The following SLC38A1 variants were observed in gnomAD, a reference collection of about 807,000 sequenced individuals.
SLC38A1 encodes the protein solute carrier family 38 member 1, also known as sodium-coupled neutral amino acid symporter 1.
In SLC38A1, 18 loss-of-function variants were observed where a neutral mutation model predicts 60.3. The observed-to-expected ratio is 0.30, with a 90% CI of 0.21 to 0.44. The LOEUF (loss-of-function observed/expected upper bound fraction) is 0.44. Ranked by LOEUF, SLC38A1 falls within the 20% of genes least tolerant of loss-of-function variation. The pLI is 1.00. For missense variants in SLC38A1, 448 were observed against 587.2 expected (o/e 0.76, Z 2.45); for synonymous variants, 196 against 212.1 (o/e 0.92, Z 0.66).
chr12:46,187,829 A>G lies in SLC38A1; in HGVS notation c.*1141T>C, dbSNP rs915293652. The stretch of plus-strand genomic sequence containing the variant: ...AAGACTAGATGGAGAATTAATGAAG[A>G]AGAAATAGAAATGAGGCTTATTTAA... On this transcript the variant is annotated 3_prime_UTR_variant, in exon 17 of 17. Coordinates refer to ENST00000398637, the MANE Select transcript of SLC38A1 (RefSeq NM_030674.4). 2.6e-5 allele frequency: 4 copies of G among 150,994 alleles called. No homozygotes were observed. Among genetic ancestry groups the G allele is most frequent in the Non-Finnish European group, 5.9e-5 (4 of 67,880 alleles). 9.4% of individuals were successfully genotyped at this position (150,994 alleles called of 1,614,324 possible).
chr12:46,221,228 C>T (rs1186993927), intron 5 of SLC38A1, among the ~76,000 whole-genome samples: 4 of 152,076 alleles, frequency 2.6e-5, no homozygotes, highest in Non-Finnish European at 5.9e-5. Flanking sequence ...GAGAGAGGGC[C>T]AGAGAATTCA....
intron 5 of SLC38A1, among the ~76,000 whole-genome samples, chr12:46,216,785 G>A (rs763833007): frequency 2.0e-5 from 3 of 152,184 alleles, no homozygotes; most frequent in Admixed American, 6.5e-5. Context: ...GCTTGAACCC[G>A]GGAGGCGGAG....
chr12:46,260,884 T>C (rs956085034), intron 1 of SLC38A1, among the ~76,000 whole-genome samples: 5 of 152,174 alleles, frequency 3.3e-5, no homozygotes, highest in African/African-American at 1.2e-4. Flanking sequence ...CTCCCACCTA[T>C]AGAGGCAGAT....
intron 16 of SLC38A1, among the ~76,000 whole-genome samples, chr12:46,192,109 C>G (rs1379755231): frequency 6.6e-6 from 1 of 152,182 alleles, no homozygotes; most frequent in African/African-American, 2.4e-5. Context: ...TATGTTCCAT[C>G]AATACCTAGT....
chr12:46,200,418 C>T (rs1690603731), intron 13 of SLC38A1, among the ~76,000 whole-genome samples: 1 of 151,430 alleles, frequency 6.6e-6, no homozygotes, highest in East Asian at 1.9e-4. Flanking sequence ...TATATAGACA[C>T]ACATATATAT....
At chr12:46,241,215 T>G (rs1204558800) in intron 2 of SLC38A1, among the ~76,000 whole-genome samples, 1 of 152,242 alleles carries the variant, frequency 6.6e-6, no homozygotes, top group African/African-American at 2.4e-5. Flanking sequence ...TGTCTGATCC[T>G]AAATTCCATA....
chr12:46,251,374 C>T (rs1157805335), intron 1 of SLC38A1, among the ~76,000 whole-genome samples: 2 of 152,176 alleles, frequency 1.3e-5, no homozygotes, highest in Admixed American at 6.5e-5. Context: ...AAGTGTTAGA[C>T]CTGAAACCAT....
At chr12:46,204,474 T>G in intron 10 of SLC38A1, 57 bp from the exon 11 acceptor site, 5 of 1,593,348 alleles carry the variant, frequency 3.1e-6, no homozygotes, top group East Asian at 2.2e-5. Context: ...CAATGAATAA[T>G]TATTACATGC....
At chr12:46,208,486 A>G (rs887901869) in intron 6 of SLC38A1, among the ~76,000 whole-genome samples, 1 of 152,242 alleles carries the variant, frequency 6.6e-6, no homozygotes, top group African/African-American at 2.4e-5. Context: ...TGTATATACA[A>G]TAATAGTTGA....
Position 46,188,791 on chromosome 12 carries a change from G to A in SLC38A1, c.*179C>T, listed in dbSNP as rs1939023557. 2 of 476,768 alleles carry A rather than the reference G, an allele frequency of 4.2e-6. No homozygotes were observed. Among genetic ancestry groups the A allele is most frequent in the Non-Finnish European group, 3.7e-6 (1 of 266,810 alleles). The allele number at this position is 476,768 out of a possible 1,614,324, so 29.5% of individuals were successfully genotyped here. A position where few individuals can be genotyped will look rare whatever the true frequency, so the allele number is the denominator to read the frequency against. On this transcript the variant is annotated 3_prime_UTR_variant, in exon 17 of 17. Coordinates refer to ENST00000398637, the MANE Select transcript of SLC38A1 (RefSeq NM_030674.4). ...CCCTAAATTGATCTCAAATCTTGGA[G>A]GGACATGAAGCATTATAGAACCATG...
At chr12:46,216,880 T>TTAA (rs1398996362) in intron 5 of SLC38A1, among the ~76,000 whole-genome samples, 1 of 151,932 alleles carries the variant, frequency 6.6e-6, no homozygotes, top group African/African-American at 2.4e-5. Context: ...AATCCTTTGT[T>TTAA]TAATGAGAGC....
At chr12:46,207,333 G>A (rs1939954546) in intron 7 of SLC38A1, 97 bp from the exon 8 acceptor site, 4 of 1,171,988 alleles carry the variant, frequency 3.4e-6, no homozygotes, top group Non-Finnish European at 4.9e-6. Flanking sequence ...CCAACTGTCA[G>A]TAAGACACAA....
chr12:46,239,975 G>A (rs565102740), intron 2 of SLC38A1, 82 bp from the exon 3 acceptor site: 1 of 582,714 alleles, frequency 1.7e-6, no homozygotes, highest in African/African-American at 1.9e-5. Flanking sequence ...TAAACAAGTA[G>A]TTAATTTACT....
At chr12:46,234,864 C>T (rs1320917568) in intron 3 of SLC38A1, among the ~76,000 whole-genome samples, 1 of 152,126 alleles carries the variant, frequency 6.6e-6, no homozygotes, top group Non-Finnish European at 1.5e-5. Flanking sequence ...TTAAAAAACA[C>T]GACCTCTGGC....
chr12:46,196,212 G>A lies in SLC38A1; in HGVS notation c.1362+1508C>T, dbSNP rs1388253183. 8 of 1,536,072 alleles carry A rather than the reference G, an allele frequency of 5.2e-6. No individual in the cohort carries two copies. The South Asian group carries it at 8.3e-5, about 16-fold the overall frequency. ...GAGCATGTTCAGTGAGAGCGCTGCA[G>A]GGAGAAGGATGATGCATTCTGAGAG... On this transcript the variant is annotated intron_variant, in intron 16 of 16. Coordinates refer to ENST00000398637, the MANE Select transcript of SLC38A1 (RefSeq NM_030674.4).
At chr12:46,247,716 T>C (rs553169944) in intron 1 of SLC38A1, among the ~76,000 whole-genome samples, 10 of 152,116 alleles carry the variant, frequency 6.6e-5, no homozygotes, top group African/African-American at 2.4e-4. Flanking sequence ...GAAGAGCAAC[T>C]CCAAGACACA....
intron 5 of SLC38A1, among the ~76,000 whole-genome samples, chr12:46,223,488 T>C (rs965112827): frequency 6.7e-6 from 1 of 148,966 alleles, no homozygotes; most frequent in Admixed American, 6.7e-5. Context: ...ACCCCACTCA[T>C]TTATTCTTCC....
At chr12:46,251,230 A>G (rs963240890) in intron 1 of SLC38A1, among the ~76,000 whole-genome samples, 1 of 152,244 alleles carries the variant, frequency 6.6e-6, no homozygotes, top group Non-Finnish European at 1.5e-5. Context: ...ACCTGACAAA[A>G]GCAAGAAATG....
intron 5 of SLC38A1, among the ~76,000 whole-genome samples, chr12:46,211,006 C>T (rs766906129): frequency 1.3e-5 from 2 of 152,114 alleles, no homozygotes; most frequent in Non-Finnish European, 2.9e-5. Context: ...CGTAATGGAA[C>T]AGGATTTGAT....
Sources: gnomAD v4.1 joint callset for allele counts (sites outside exome capture counted in the v4.1 genomes callset) on GRCh38, gnomAD v4.1.1 for gene constraint, MANE v1.5 for transcripts, NCBI Gene and HGNC (gene_info 2026-07-23, HGNC 2026-07-21) for gene names.